The following ARHGAP12 variants were observed in gnomAD, a reference collection of about 807,000 sequenced individuals.
The protein encoded by ARHGAP12 is Rho GTPase activating protein 12, also known as rho GTPase-activating protein 12.
Under a neutral mutation model 108.6 loss-of-function variants are expected in ARHGAP12, and 64 were observed. The observed-to-expected ratio is 0.59, with a 90% confidence interval of 0.48 to 0.73. The LOEUF (loss-of-function observed/expected upper bound fraction) is 0.73, where lower values mean the gene tolerates loss of function less well. ARHGAP12 is among the 30% of genes least tolerant of loss of function. ARHGAP12 has a pLI of 0.00. For synonymous variants in ARHGAP12, 312 were observed against 337.2 expected, an observed-to-expected ratio of 0.93 and a Z score of 0.82; for missense variants, 940 against 1,005.9, an observed-to-expected ratio of 0.93 and a Z score of 0.89.
chr10:31,911,705 G>A (rs749697693), intron 1 of ARHGAP12, among the ~76,000 whole-genome samples: 3 of 152,138 alleles, frequency 2.0e-5, no homozygotes, highest in Non-Finnish European at 4.4e-5. Context: ...GCACTAATGC[G>A]ACCTGACAAG....
chr10:31,912,542 G>A lies in ARHGAP12; in HGVS notation c.-110-1979C>T, dbSNP rs1056319427. Among the ~76,000 whole-genome samples, 33 of 152,148 alleles carry A rather than the reference G, an allele frequency of 2.2e-4. 2 individuals carry two copies. Among genetic ancestry groups the A allele is most frequent in the Admixed American group, 2.0e-3 (31 of 15,268 alleles). On this transcript the variant is annotated intron_variant, in intron 1 of 19. Coordinates refer to ENST00000344936, the MANE Select transcript of ARHGAP12 (RefSeq NM_018287.7). ...GTTAGGGAGAAAGATAAAGCAAGTCGGTTTTACTATGTTCAACATGAGACA... is the reference window on the plus strand; with the variant it reads ...GTTAGGGAGAAAGATAAAGCAAGTCAGTTTTACTATGTTCAACATGAGACA...
chr10:31,878,732 GGCAGAGT>G (rs1303801865), intron 3 of ARHGAP12, among the ~76,000 whole-genome samples: 2 of 152,132 alleles, frequency 1.3e-5, no homozygotes, highest in Non-Finnish European at 2.9e-5. Flanking sequence ...ATGCTACAAT[GGCAGAGT>G]TGAACACTTG....
At chr10:31,892,889 T>A (rs1419191335) in intron 3 of ARHGAP12, among the ~76,000 whole-genome samples, 3 of 152,138 alleles carry the variant, frequency 2.0e-5, no homozygotes, top group African/African-American at 7.2e-5. Flanking sequence ...ACAGAAATTA[T>A]AACAAACTGT....
chr10:31,848,025 C>G (rs1836528207), intron 6 of ARHGAP12, among the ~76,000 whole-genome samples: 1 of 152,182 alleles, frequency 6.6e-6, no homozygotes, highest in African/African-American at 2.4e-5. Flanking sequence ...TCTCATCCCC[C>G]TCCTGAGACT....
intron 4 of ARHGAP12, among the ~76,000 whole-genome samples, chr10:31,860,548 C>T (rs1469151357): frequency 1.3e-5 from 2 of 152,190 alleles, no homozygotes; most frequent in Admixed American, 6.5e-5. Flanking sequence ...AGAGTACAGA[C>T]ACTTGTTAGA....
At chr10:31,840,629 T>G (rs1158454734) in intron 7 of ARHGAP12, among the ~76,000 whole-genome samples, 1 of 152,148 alleles carries the variant, frequency 6.6e-6, no homozygotes, top group Non-Finnish European at 1.5e-5. Flanking sequence ...TAGGTATCAT[T>G]CTAGTTTTCT....
At chr10:31,917,946 C>G (rs1839630506) in intron 1 of ARHGAP12, among the ~76,000 whole-genome samples, 1 of 150,398 alleles carries the variant, frequency 6.6e-6, no homozygotes, top group Non-Finnish European at 1.5e-5. Flanking sequence ...ATTGGAATAT[C>G]AAATACCTTT....
At chr10:31,875,912 A>G (rs995518172) in intron 3 of ARHGAP12, among the ~76,000 whole-genome samples, 3 of 152,202 alleles carry the variant, frequency 2.0e-5, no homozygotes, top group Admixed American at 1.3e-4. Flanking sequence ...AGCACCTCAT[A>G]TAAGTGGAAT....
At chr10:31,836,821 C>T (rs1836037818) in intron 9 of ARHGAP12, among the ~76,000 whole-genome samples, 1 of 152,114 alleles carries the variant, frequency 6.6e-6, no homozygotes, top group African/African-American at 2.4e-5. Context: ...GGGCAGAAAC[C>T]TCCATGGGAG....
intron 4 of ARHGAP12, among the ~76,000 whole-genome samples, chr10:31,860,416 G>A (rs1323689912): frequency 6.6e-6 from 1 of 152,192 alleles, no homozygotes; most frequent in African/African-American, 2.4e-5. Flanking sequence ...ACTCCTGTAC[G>A]TTTAAATAAT....
chr10:31,878,981 T>A (rs1295453817), intron 3 of ARHGAP12, among the ~76,000 whole-genome samples: 1 of 152,106 alleles, frequency 6.6e-6, no homozygotes, highest in Non-Finnish European at 1.5e-5. Context: ...TTCTATAACA[T>A]CAGAAAGAAC....
chr10:31,888,854 C>G (rs1838289507), intron 3 of ARHGAP12, among the ~76,000 whole-genome samples: 1 of 151,004 alleles, frequency 6.6e-6, no homozygotes, highest in African/African-American at 2.4e-5. Context: ...AGAAAAGGGT[C>G]AAAACAGAAA....
intron 3 of ARHGAP12, among the ~76,000 whole-genome samples, chr10:31,897,077 T>C (rs1322569536): frequency 6.6e-6 from 1 of 152,166 alleles, no homozygotes; most frequent in Non-Finnish European, 1.5e-5. Flanking sequence ...CTTATACTTT[T>C]GTGGGGTTTA....
At chr10:31,857,464 C>T (rs899580089) in intron 4 of ARHGAP12, among the ~76,000 whole-genome samples, 7 of 152,098 alleles carry the variant, frequency 4.6e-5, no homozygotes, top group African/African-American at 1.4e-4. Flanking sequence ...TGAGGTTAAA[C>T]ATTCATCTAA....
chr10:31,813,733 T>C (rs1835100822), intron 14 of ARHGAP12, among the ~76,000 whole-genome samples: 1 of 152,188 alleles, frequency 6.6e-6, no homozygotes, highest in South Asian at 2.1e-4. Flanking sequence ...GGGCCAACAT[T>C]AGAAAATGCT....
intron 4 of ARHGAP12, among the ~76,000 whole-genome samples, chr10:31,855,639 C>A (rs1836859353): frequency 6.6e-6 from 1 of 152,108 alleles, no homozygotes; most frequent in South Asian, 2.1e-4. Flanking sequence ...TTAATTGAGG[C>A]AACTTAAAAT....
At chr10:31,873,521 A>G (rs1384749695) in intron 3 of ARHGAP12, among the ~76,000 whole-genome samples, 1 of 152,208 alleles carries the variant, frequency 6.6e-6, no homozygotes, top group Non-Finnish European at 1.5e-5. Context: ...AGTGGCTACT[A>G]TCGGCCGGCA....
intron 12 of ARHGAP12, among the ~76,000 whole-genome samples, chr10:31,819,631 C>T (rs1387510971): frequency 6.6e-6 from 1 of 152,198 alleles, no homozygotes; most frequent in Non-Finnish European, 1.5e-5. Context: ...GAGGCCGTCA[C>T]TTGATGCAGC....
intron 9 of ARHGAP12, among the ~76,000 whole-genome samples, chr10:31,837,365 A>C (rs1380161913): frequency 1.3e-5 from 2 of 152,222 alleles, no homozygotes; most frequent in Non-Finnish European, 2.9e-5. Context: ...GTACTGTGCA[A>C]ATAATGCAAA....
Sources: gnomAD v4.1 joint callset for allele counts (sites outside exome capture counted in the v4.1 genomes callset) on GRCh38, gnomAD v4.1.1 for gene constraint, MANE v1.5 for transcripts, NCBI Gene and HGNC (gene_info 2026-07-23, HGNC 2026-07-21) for gene names.